The following LARGE1 variants were observed in gnomAD, a reference collection of about 807,000 sequenced individuals.
The protein encoded by LARGE1 is LARGE xylosyl- and glucuronyltransferase 1, also known as xylosyl- and glucuronyltransferase LARGE1.
A neutral mutation model predicts 87.6 loss-of-function variants in LARGE1; 43 were observed. That is an observed-to-expected ratio of 0.49 (90% CI 0.38 to 0.63). The LOEUF (loss-of-function observed/expected upper bound fraction) is 0.63, where lower values mean the gene tolerates loss of function less well. Ranked by LOEUF, LARGE1 falls within the 30% of genes least tolerant of loss-of-function variation. LARGE1 has a pLI of 0.00. For missense variants in LARGE1, 802 were observed against 1,000.2 expected (o/e 0.80, Z 2.67); for synonymous variants, 434 against 394.6 (o/e 1.10, Z -1.18).
chr22:33,808,541 AAC>A (rs1273864816), intron 1 of LARGE1, among the ~76,000 whole-genome samples: 1 of 152,056 alleles, frequency 6.6e-6, no homozygotes, highest in Non-Finnish European at 1.5e-5. Context: ...AATGAAATCA[AAC>A]AGTATTTATG....
At chr22:33,289,760 C>T (rs767292482) in intron 12 of LARGE1, among the ~76,000 whole-genome samples, 4 of 152,070 alleles carry the variant, frequency 2.6e-5, no homozygotes, top group Non-Finnish European at 5.9e-5. Context: ...CCTTTTCCAG[C>T]GTGGCAGAGC....
rs182275661 is a variant in LARGE1 at position 33,472,913 on chromosome 22, A to G, written c.788-40648T>C. Among the ~76,000 whole-genome samples, 15 of 152,318 alleles carry G rather than the reference A, an allele frequency of 9.8e-5. No homozygotes were observed. In the East Asian group the frequency reaches 2.9e-3, roughly 29 times the overall value. ...AAACGATGCACCTGTATCTTTCTGC[A>G]TTTGTAGCTGTCATGTGTAAAGGAA... On this transcript the variant is annotated intron_variant, in intron 6 of 14. Transcript: ENST00000397394.
At chr22:33,412,492 C>T (rs1236677486) in intron 7 of LARGE1, among the ~76,000 whole-genome samples, 1 of 152,086 alleles carries the variant, frequency 6.6e-6, no homozygotes. Flanking sequence ...GACCCCACTG[C>T]ATGGCATTCC....
intron 7 of LARGE1, among the ~76,000 whole-genome samples, chr22:33,425,176 C>T (rs190200529): frequency 9.9e-5 from 15 of 152,146 alleles, no homozygotes; most frequent in East Asian, 1.9e-4. Context: ...GCAGGAGAAT[C>T]GCTTGAACCC....
intron 1 of LARGE1, among the ~76,000 whole-genome samples, chr22:33,850,081 A>G (rs546265726): frequency 4.1e-4 from 63 of 152,264 alleles, no homozygotes; most frequent in African/African-American, 1.4e-3. Context: ...GAAAAGTAAA[A>G]GGAGGACCAT....
chr22:33,471,575 C>A (rs1006427522), intron 6 of LARGE1, among the ~76,000 whole-genome samples: 3 of 151,946 alleles, frequency 2.0e-5, no homozygotes, highest in Admixed American at 6.6e-5. Flanking sequence ...TGTGCCCCAC[C>A]CAAAATAATG....
intron 1 of LARGE1, among the ~76,000 whole-genome samples, chr22:33,798,824 G>A (rs775773387): frequency 1.6e-4 from 24 of 152,064 alleles, no homozygotes; most frequent in Admixed American, 3.9e-4. Context: ...TCTTTCATCC[G>A]GAGGAATCCT....
chr22:33,816,713 C>T (rs1251870528), intron 1 of LARGE1, among the ~76,000 whole-genome samples: 4 of 150,484 alleles, frequency 2.7e-5, no homozygotes, highest in African/African-American at 7.3e-5. Flanking sequence ...GACAGACAGA[C>T]AGACAGACAG....
At chr22:33,523,045 C>T (rs966863600) in intron 6 of LARGE1, among the ~76,000 whole-genome samples, 2 of 151,886 alleles carry the variant, frequency 1.3e-5, no homozygotes, top group African/African-American at 2.4e-5. Flanking sequence ...ACTCTTGTTG[C>T]CCAGACTGGA....
At chr22:33,293,778 A>G (rs954588623) in intron 12 of LARGE1, among the ~76,000 whole-genome samples, 3 of 152,214 alleles carry the variant, frequency 2.0e-5, no homozygotes, top group African/African-American at 7.2e-5. Flanking sequence ...TACTGATCCT[A>G]CATGTCACTG....
intron 11 of LARGE1, among the ~76,000 whole-genome samples, chr22:33,183,498 A>T (rs1288342866): frequency 6.6e-6 from 1 of 152,150 alleles, no homozygotes; most frequent in Admixed American, 6.5e-5. Flanking sequence ...AAAGTAATGA[A>T]ATCAGCAGTG....
At chr22:33,592,850 GTA>G (rs2078880456) in intron 5 of LARGE1, among the ~76,000 whole-genome samples, 2 of 26,368 alleles carry the variant, frequency 7.6e-5, no homozygotes, top group African/African-American at 3.3e-4. Context: ...TTGTGTGTGT[GTA>G]TTTTTTGAGA....
chr22:33,568,524 T>C (rs187198778), intron 5 of LARGE1, among the ~76,000 whole-genome samples: 1 of 152,168 alleles, frequency 6.6e-6, no homozygotes, highest in East Asian at 1.9e-4. Flanking sequence ...CCCAGAACTT[T>C]AGGAGGCTGA....
intron 11 of LARGE1, among the ~76,000 whole-genome samples, chr22:33,262,808 CTTCT>C (rs1219521290): frequency 2.0e-5 from 3 of 148,796 alleles, no homozygotes; most frequent in South Asian, 2.2e-4. Flanking sequence ...TCCTTCCTTC[CTTCT>C]TTCCTTCCTG....
chr22:33,754,037 G>A (rs1286532989), intron 2 of LARGE1, among the ~76,000 whole-genome samples: 2 of 151,966 alleles, frequency 1.3e-5, no homozygotes, highest in East Asian at 3.9e-4. Flanking sequence ...ACTCCATCCT[G>A]GGCAATAGAG....
intron 6 of LARGE1, among the ~76,000 whole-genome samples, chr22:33,478,897 T>C (rs756966416): frequency 2.4e-4 from 37 of 152,126 alleles, no homozygotes; most frequent in Non-Finnish European, 5.1e-4. Context: ...AGAACATGGA[T>C]GTTGGGTACC....
At chr22:33,715,843 C>A (rs1160376542) in intron 2 of LARGE1, among the ~76,000 whole-genome samples, 2 of 152,216 alleles carry the variant, frequency 1.3e-5, no homozygotes, top group Non-Finnish European at 2.9e-5. Context: ...GAGCAAAGGG[C>A]CTCCATGGAA....
chr22:33,651,240 A>AAAAAAAAAAAAAAAAAAAAAAAAAAAAC (rs1218968780), intron 2 of LARGE1, among the ~76,000 whole-genome samples: 2 of 144,194 alleles, frequency 1.4e-5, no homozygotes, highest in Admixed American at 6.9e-5. Context: ...AAAAAAAAAA[A>AAAAAAAAAAAAAAAAAAAAAAAAAAAAC]AATTAGCCGG....
chr22:33,189,304 A>G (rs1423382873), intron 11 of LARGE1, among the ~76,000 whole-genome samples: 2 of 152,120 alleles, frequency 1.3e-5, no homozygotes, highest in Non-Finnish European at 2.9e-5. Flanking sequence ...CTCCCATTGT[A>G]ATGGCTTGGC....
Sources: allele counts gnomAD v4.1 joint callset (sites outside exome capture counted in the v4.1 genomes callset), GRCh38; gene constraint gnomAD v4.1.1; transcripts MANE v1.5; gene names NCBI Gene and HGNC (gene_info 2026-07-23, HGNC 2026-07-21).